SPAM1: variants seen among roughly 807,000 people sequenced by gnomAD.
SPAM1 encodes the protein hyaluronidase PH-20.
In SPAM1, 22 loss-of-function variants were observed where a neutral mutation model predicts 29.6. That is an observed-to-expected ratio of 0.74 (90% CI 0.53 to 1.06). The LOEUF (loss-of-function observed/expected upper bound fraction) is 1.06, where lower values mean the gene tolerates loss of function less well. Ranked by LOEUF, SPAM1 falls within the 50% of genes least tolerant of loss-of-function variation. SPAM1 has a pLI of 0.00. For missense variants in SPAM1, 534 were observed against 604.0 expected (o/e 0.88, Z 1.21); for synonymous variants, 194 against 204.6 (o/e 0.95, Z 0.44).
intron 5 of SPAM1, among the ~76,000 whole-genome samples, chr7:123,969,269 C>T (rs930612492): frequency 1.3e-5 from 2 of 152,022 alleles, no homozygotes; most frequent in Admixed American, 1.3e-4. Context: ...GTTGACTTTG[C>T]TGTACAGAAG....
intron 1 of SPAM1, among the ~76,000 whole-genome samples, chr7:123,947,365 A>T (rs1358227873): frequency 2.0e-5 from 3 of 152,226 alleles, no homozygotes; most frequent in African/African-American, 7.2e-5. Flanking sequence ...CCTGGATGTC[A>T]TAACAAAACC....
chr7:123,940,484 CTT>C (rs544377082), intron 1 of SPAM1, among the ~76,000 whole-genome samples: 12 of 138,354 alleles, frequency 8.7e-5, no homozygotes, highest in Non-Finnish European at 9.5e-5. Flanking sequence ...ACTTACCATG[CTT>C]TTTTTTTTTT....
chr7:123,943,030 G>A (rs1808476320), intron 1 of SPAM1, among the ~76,000 whole-genome samples: 1 of 152,154 alleles, frequency 6.6e-6, no homozygotes, highest in African/African-American at 2.4e-5. Flanking sequence ...TCCAAATTTT[G>A]TTTGTAGGAG....
downstream of SPAM1, among the ~76,000 whole-genome samples, chr7:123,964,004 T>C (rs1012469513): frequency 6.6e-6 from 1 of 151,884 alleles, no homozygotes; most frequent in African/African-American, 2.4e-5. Context: ...ATTTAAGGTT[T>C]ATATTTGAAA....
downstream of SPAM1, among the ~76,000 whole-genome samples, chr7:123,961,823 G>A (rs1792362930): frequency 6.6e-6 from 1 of 151,988 alleles, no homozygotes; most frequent in Admixed American, 6.6e-5. Context: ...CACAATCATG[G>A]TGAAAGGCGA....
chr7:123,937,067 C>A (rs370614430), intron 1 of SPAM1, among the ~76,000 whole-genome samples: 7 of 152,246 alleles, frequency 4.6e-5, no homozygotes, highest in African/African-American at 1.7e-4. Context: ...GCAAATATTT[C>A]TTTAATGTTC....
At chr7:123,937,121 C>G (rs1808264341) in intron 1 of SPAM1, among the ~76,000 whole-genome samples, 1 of 152,088 alleles carries the variant, frequency 6.6e-6, no homozygotes, top group Non-Finnish European at 1.5e-5. Context: ...TAGAGATACC[C>G]CTAATCTAAT....
Position 123,949,141 on chromosome 7 carries a change from A to T in SPAM1, c.-318-731A>T, listed in dbSNP as rs528840353. Among the ~76,000 whole-genome samples the T allele has an allele frequency of 6.6e-5, 10 of 152,200 alleles. No homozygotes were observed. In the South Asian group the frequency reaches 1.5e-3, roughly 22 times the overall value. On this transcript the variant is annotated intron_variant, in intron 1 of 4. Coordinates refer to ENST00000682466, the MANE Select transcript of SPAM1 (RefSeq NM_153189.3). Reference sequence around the variant, plus strand: ...TTGTACAAGAACAAGAATCCCCTGTACAAGCATCCTGGTAGATAATGTGTG... The same window carrying T: ...TTGTACAAGAACAAGAATCCCCTGTTCAAGCATCCTGGTAGATAATGTGTG...
At chr7:123,963,749 A>G (rs1371936108), downstream of SPAM1, among the ~76,000 whole-genome samples, 1 of 151,922 alleles carries the variant, frequency 6.6e-6, no homozygotes, top group Non-Finnish European at 1.5e-5. Context: ...TTGTAGCAGG[A>G]TATAGGGAGA....
At chr7:123,969,778 CTT>C (rs34864162) in intron 5 of SPAM1, among the ~76,000 whole-genome samples, 19 of 140,374 alleles carry the variant, frequency 1.4e-4, no homozygotes, top group Admixed American at 2.1e-4. Flanking sequence ...TATTTGGGCT[CTT>C]TTTTTTTTTT....
At chr7:123,969,529 A>G (rs910545088) in intron 5 of SPAM1, among the ~76,000 whole-genome samples, 1 of 152,076 alleles carries the variant, frequency 6.6e-6, no homozygotes, top group South Asian at 2.1e-4. Context: ...TCCCAGCACC[A>G]TTTATTGAAA....
chr7:123,941,148 C>G (rs187547180), intron 1 of SPAM1, among the ~76,000 whole-genome samples: 15 of 152,310 alleles, frequency 9.8e-5, no homozygotes, highest in Non-Finnish European at 1.9e-4. Context: ...CCTCCTCTCT[C>G]TCTTCCCATC....
At chr7:123,946,437 T>C (rs981952717) in intron 1 of SPAM1, among the ~76,000 whole-genome samples, 15 of 152,102 alleles carry the variant, frequency 9.9e-5, no homozygotes, top group Non-Finnish European at 1.5e-5. Context: ...TCCCTTCCAT[T>C]GGTCACCAAA....
At chr7:123,932,082 A>G (rs567106579) in intron 1 of SPAM1, 55 of 152,342 alleles carry the variant, frequency 3.6e-4, no homozygotes, top group African/African-American at 1.3e-3. Context: ...AGAAAGGACG[A>G]ATTAAAACCA....
downstream of SPAM1, among the ~76,000 whole-genome samples, chr7:123,962,166 A>T (rs767877853): frequency 1.3e-5 from 2 of 152,004 alleles, no homozygotes; most frequent in African/African-American, 4.8e-5. Context: ...CTTTTCCCAC[A>T]TCCTTGCCAG....
intron 1 of SPAM1, among the ~76,000 whole-genome samples, chr7:123,932,945 C>A (rs1261013614): frequency 1.3e-5 from 2 of 151,878 alleles, no homozygotes; most frequent in East Asian, 1.9e-4. Flanking sequence ...AGAAAAGTAA[C>A]CTTCCTCTAC....
intron 1 of SPAM1, among the ~76,000 whole-genome samples, chr7:123,927,773 C>G (rs1299749081): frequency 2.6e-5 from 4 of 152,006 alleles, no homozygotes; most frequent in Non-Finnish European, 5.9e-5. Flanking sequence ...GCTACAGGGT[C>G]GAAATTGGTT....
chr7:123,967,204 T>G (rs1254416985), intron 5 of SPAM1, among the ~76,000 whole-genome samples: 2 of 151,942 alleles, frequency 1.3e-5, no homozygotes, highest in Non-Finnish European at 2.9e-5. Flanking sequence ...GCCTTTTTGT[T>G]TCAGCAAACA....
intron 1 of SPAM1, among the ~76,000 whole-genome samples, chr7:123,939,534 T>G (rs982959960): frequency 3.3e-5 from 5 of 152,220 alleles, no homozygotes; most frequent in Admixed American, 2.6e-4. Context: ...ATATTTTGAC[T>G]TTAAGTTTCA....
Sources: gnomAD v4.1 joint callset for allele counts (sites outside exome capture counted in the v4.1 genomes callset) on GRCh38, gnomAD v4.1.1 for gene constraint, MANE v1.5 for transcripts, NCBI Gene and HGNC (gene_info 2026-07-23, HGNC 2026-07-21) for gene names.